FNDC3B: variants seen among roughly 807,000 people sequenced by gnomAD.
FNDC3B encodes fibronectin type III domain containing 3B.
Under a neutral mutation model 151.5 loss-of-function variants are expected in FNDC3B, and 12 were observed. The observed-to-expected ratio is 0.08, with a 90% confidence interval of 0.05 to 0.13. The LOEUF (loss-of-function observed/expected upper bound fraction) is 0.13, where lower values mean the gene tolerates loss of function less well. Among genes scored for constraint, FNDC3B ranks in the 10% least tolerant of loss-of-function variants. The pLI is 1.00. For missense variants in FNDC3B, 1,214 were observed against 1,505.3 expected, an observed-to-expected ratio of 0.81 and a Z score of 3.20; for synonymous variants, 528 against 549.0, an observed-to-expected ratio of 0.96 and a Z score of 0.54.
In FNDC3B at chr3:172,398,721, C is replaced by G. The variant is rs1736413177; in HGVS notation, c.*1246C>G. 1 of 152,222 alleles carries G rather than the reference C, an allele frequency of 6.6e-6. No homozygotes were observed. The highest frequency in any genetic ancestry group is 1.5e-5 in the Non-Finnish European group (1 of 68,050). 9.4% of individuals were successfully genotyped at this position (152,222 alleles called of 1,614,324 possible). ...GTGACCTGAACACGTCACTTTACCT[C>G]TCTGTGCCTCAGTTTTCCCATGCAT... On this transcript the variant is annotated 3_prime_UTR_variant, in exon 26 of 26. Coordinates refer to ENST00000415807, the MANE Select transcript of FNDC3B (RefSeq NM_022763.4).
intron 3 of FNDC3B, among the ~76,000 whole-genome samples, chr3:172,208,302 G>A (rs951425613): frequency 6.6e-5 from 10 of 152,262 alleles, no homozygotes; most frequent in Admixed American, 6.5e-4. Context: ...TGCAGTTAGA[G>A]CAATTTAATA....
chr3:172,274,960 A>G (rs769249188), intron 6 of FNDC3B, among the ~76,000 whole-genome samples: 6 of 152,206 alleles, frequency 3.9e-5, no homozygotes, highest in Non-Finnish European at 7.3e-5. Flanking sequence ...CTGGGGGGCC[A>G]ATCCAGATTT....
intron 25 of FNDC3B, among the ~76,000 whole-genome samples, chr3:172,384,238 T>C (rs1208743174): frequency 6.6e-6 from 1 of 152,256 alleles, no homozygotes; most frequent in East Asian, 1.9e-4. Context: ...ATATGACATC[T>C]ACCAGTGTCG....
chr3:172,175,928 G>A (rs1723570509), intron 3 of FNDC3B, among the ~76,000 whole-genome samples: 1 of 152,174 alleles, frequency 6.6e-6, no homozygotes, highest in South Asian at 2.1e-4. Flanking sequence ...TCTATAGAAT[G>A]TTTTATAAGC....
chr3:172,383,881 ATAT>A (rs1412537809), intron 25 of FNDC3B, among the ~76,000 whole-genome samples: 4 of 152,206 alleles, frequency 2.6e-5, no homozygotes, highest in Non-Finnish European at 5.9e-5. Context: ...TCAGGATATA[ATAT>A]TATGTATTCC....
intron 4 of FNDC3B, among the ~76,000 whole-genome samples, chr3:172,243,851 C>T (rs1223201777): frequency 1.3e-5 from 2 of 152,128 alleles, no homozygotes; most frequent in East Asian, 1.9e-4. Context: ...AGCATCAGAA[C>T]GTCAACATTT....
intron 4 of FNDC3B, among the ~76,000 whole-genome samples, chr3:172,245,193 T>A (rs1727713232): frequency 6.6e-6 from 1 of 152,166 alleles, no homozygotes; most frequent in Non-Finnish European, 1.5e-5. Context: ...TGTTAACAGG[T>A]CCAAAGTTAT....
At chr3:172,355,532 A>C (rs1235545156) in intron 22 of FNDC3B, among the ~76,000 whole-genome samples, 1 of 152,080 alleles carries the variant, frequency 6.6e-6, no homozygotes, top group Non-Finnish European at 1.5e-5. Flanking sequence ...GGGGCCTAGC[A>C]CTTGGTGCTT....
In FNDC3B at chr3:172,247,903, C is replaced by G. The variant is rs570818116; in HGVS notation, c.508+127C>G. 2.8e-5 allele frequency: 28 copies of G among 1,018,150 alleles called. No homozygotes were observed. In the South Asian group the frequency reaches 4.4e-4, roughly 16 times the overall value. 63.1% of individuals were successfully genotyped at this position (1,018,150 alleles called of 1,614,324 possible). On this transcript the variant is annotated intron_variant, in intron 5 of 25. Transcript: ENST00000415807. The stretch of plus-strand genomic sequence containing the variant: ...AAGGATCTAGGTGGTTTGTAAGACT[C>G]ATGGGGAATTCCTAGCTTCCTTTGT...
intron 1 of FNDC3B, among the ~76,000 whole-genome samples, chr3:172,050,062 T>C (rs1268965868): frequency 6.6e-6 from 1 of 152,158 alleles, no homozygotes; most frequent in Non-Finnish European, 1.5e-5. Context: ...AATGATTGCA[T>C]AGTAGGTTCT....
At chr3:172,159,808 C>T (rs1197510996) in intron 3 of FNDC3B, among the ~76,000 whole-genome samples, 1 of 152,148 alleles carries the variant, frequency 6.6e-6, no homozygotes. Flanking sequence ...GTTAGCCACT[C>T]GTTTGTGTAT....
Position 172,226,930 on chromosome 3 carries a change from C to G in FNDC3B, c.247C>G (p.Pro83Ala). 1 of 1,609,752 alleles carries G rather than the reference C, an allele frequency of 6.2e-7. No homozygotes were observed. The highest frequency in any genetic ancestry group is 8.5e-7 in the Non-Finnish European group (1 of 1,176,044). The change falls in exon 4 of 26, where the codon CCA becomes GCA. Residue 83 changes from proline (P) to alanine (A), a missense_variant. Physicochemically the swap from Pro to Ala is conservative, Grantham distance 27 (BLOSUM62 -1). Coordinates refer to ENST00000415807, the MANE Select transcript of FNDC3B (RefSeq NM_022763.4). ...NGSIPPIHVP[P>A]GYISQVIEDS... The stretch of plus-strand genomic sequence containing the variant: ...ATCCATTCCTCCCATTCATGTGCCT[C>G]CAGGTTATATCTCACAGGTAATCCA...
chr3:172,246,888 G>T lies in FNDC3B; in HGVS notation c.265-645G>T, dbSNP rs543391373. On this transcript the variant is annotated intron_variant, in intron 4 of 25. Transcript: ENST00000415807. ...CACTCATCATGAGGACATCTTGGGA[G>T]CAAAAGTGTCCATACTGATTTGGGG... Among the ~76,000 whole-genome samples the T allele has an allele frequency of 7.9e-5, 12 of 152,334 alleles. No homozygotes were observed. In the South Asian group the frequency reaches 2.5e-3, roughly 32 times the overall value.
chr3:172,341,288 C>A, intron 17 of FNDC3B, 57 bp downstream of exon 17: 1 of 1,220,938 alleles, frequency 8.2e-7, no homozygotes, highest in South Asian at 1.2e-5. Context: ...GACAAACTGT[C>A]TATAACATCA....
chr3:172,349,204 A>G (rs1273108129), intron 21 of FNDC3B, among the ~76,000 whole-genome samples: 3 of 152,032 alleles, frequency 2.0e-5, no homozygotes, highest in African/African-American at 7.2e-5. Flanking sequence ...GGATCACTTG[A>G]GCCAGGTCAA....
At chr3:172,254,311 A>G (rs1728227836) in intron 6 of FNDC3B, among the ~76,000 whole-genome samples, 1 of 152,018 alleles carries the variant, frequency 6.6e-6, no homozygotes, top group Non-Finnish European at 1.5e-5. Flanking sequence ...CATGGACTCC[A>G]TTTTAGACCT....
intron 1 of FNDC3B, among the ~76,000 whole-genome samples, chr3:172,069,934 C>T (rs952522915): frequency 2.6e-5 from 4 of 152,166 alleles, no homozygotes; most frequent in East Asian, 1.9e-4. Flanking sequence ...GGTGTGAACA[C>T]AGTGACTATT....
intron 1 of FNDC3B, among the ~76,000 whole-genome samples, chr3:172,041,497 T>C (rs1455013767): frequency 6.6e-6 from 1 of 151,394 alleles, no homozygotes; most frequent in Non-Finnish European, 1.5e-5. Flanking sequence ...TCTTCTTTTT[T>C]TTTTTTTTAA....
chr3:172,201,744 G>C (rs1012500779), intron 3 of FNDC3B, among the ~76,000 whole-genome samples: 1 of 152,192 alleles, frequency 6.6e-6, no homozygotes, highest in Admixed American at 6.5e-5. Flanking sequence ...TATCAGAATA[G>C]CCTTCATGTT....
Sources: allele counts gnomAD v4.1 joint callset (sites outside exome capture counted in the v4.1 genomes callset), GRCh38; gene constraint gnomAD v4.1.1; transcripts MANE v1.5; gene names NCBI Gene and HGNC (gene_info 2026-07-23, HGNC 2026-07-21).